SPATA17: variants seen among roughly 807,000 people sequenced by gnomAD.
SPATA17 encodes spermatogenesis-associated protein 17.
SPATA17 carries 53 observed loss-of-function variants against 62.2 expected under a neutral mutation model. That is an observed-to-expected ratio of 0.85 (90% CI 0.68 to 1.07). SPATA17 has a LOEUF of 1.07. Ranked by LOEUF, SPATA17 falls within the 50% of genes least tolerant of loss-of-function variation. SPATA17 has a pLI of 0.00. For missense variants in SPATA17, 466 were observed against 425.5 expected (o/e 1.10, Z -0.84); for synonymous variants, 146 against 146.8 (o/e 0.99, Z 0.04).
At chr1:217,778,480 C>A (rs1356147596) in intron 7 of SPATA17, among the ~76,000 whole-genome samples, 1 of 152,156 alleles carries the variant, frequency 6.6e-6, no homozygotes, top group Non-Finnish European at 1.5e-5. Context: ...GAGATCACAC[C>A]ATTGCACTCC....
At chr1:217,768,839 G>A (rs977618182) in intron 6 of SPATA17, among the ~76,000 whole-genome samples, 2 of 152,064 alleles carry the variant, frequency 1.3e-5, no homozygotes, top group South Asian at 2.1e-4. Flanking sequence ...TACACAGAAC[G>A]TATACTTTTA....
chr1:217,778,629 G>A (rs1421673590), intron 7 of SPATA17, among the ~76,000 whole-genome samples: 3 of 152,118 alleles, frequency 2.0e-5, no homozygotes, highest in East Asian at 3.8e-4. Context: ...TTTAGGAAAT[G>A]TGAAAATTAC....
intron 4 of SPATA17, among the ~76,000 whole-genome samples, chr1:217,674,457 T>A (rs1050196524): frequency 6.6e-6 from 1 of 152,224 alleles, no homozygotes; most frequent in African/African-American, 2.4e-5. Flanking sequence ...GTGCTCCAGC[T>A]GCTGGCTGCT....
At chr1:217,844,583 A>T (rs893756261) in intron 9 of SPATA17, among the ~76,000 whole-genome samples, 2 of 152,128 alleles carry the variant, frequency 1.3e-5, no homozygotes, top group African/African-American at 4.8e-5. Context: ...ATCAATGTAG[A>T]CCACAAAAGA....
intron 6 of SPATA17, among the ~76,000 whole-genome samples, chr1:217,746,596 GATATACTC>G (rs1264975084): frequency 3.3e-5 from 5 of 151,602 alleles, no homozygotes; most frequent in Non-Finnish European, 5.9e-5. Context: ...TGATTATGCT[GATATACTC>G]ATATACTCAT....
intron 3 of SPATA17, among the ~76,000 whole-genome samples, chr1:217,667,242 T>A (rs1417395474): frequency 1.3e-5 from 2 of 151,906 alleles, no homozygotes; most frequent in African/African-American, 4.8e-5. Context: ...AGAGACGGGG[T>A]TTCACCATGT....
intron 5 of SPATA17, among the ~76,000 whole-genome samples, chr1:217,706,457 C>T (rs536360234): frequency 1.3e-5 from 2 of 152,252 alleles, no homozygotes; most frequent in South Asian, 2.1e-4. Flanking sequence ...GGGGGCCGTT[C>T]CCCCATGCTG....
intron 6 of SPATA17, among the ~76,000 whole-genome samples, chr1:217,747,042 G>T (rs1672774722): frequency 6.6e-6 from 1 of 152,010 alleles, no homozygotes; most frequent in Non-Finnish European, 1.5e-5. Context: ...ACAGGGTTGG[G>T]ATTAGCACCC....
intron 7 of SPATA17, among the ~76,000 whole-genome samples, chr1:217,780,344 T>C (rs1673702511): frequency 1.3e-5 from 2 of 152,174 alleles, no homozygotes; most frequent in South Asian, 4.1e-4. Flanking sequence ...TATAAATGTA[T>C]GTACCAGGCA....
intron 5 of SPATA17, among the ~76,000 whole-genome samples, chr1:217,731,957 T>C (rs1026071997): frequency 6.6e-6 from 1 of 152,218 alleles, no homozygotes; most frequent in South Asian, 2.1e-4. Context: ...CATTTATTTT[T>C]AAATCACTTT....
At chr1:217,864,146 G>A (rs568120800) in intron 10 of SPATA17, among the ~76,000 whole-genome samples, 4 of 152,262 alleles carry the variant, frequency 2.6e-5, no homozygotes, top group South Asian at 4.1e-4. Flanking sequence ...TGTTTCAAAG[G>A]TTTATAAAGT....
intron 9 of SPATA17, among the ~76,000 whole-genome samples, chr1:217,836,691 G>A (rs1479310454): frequency 6.6e-6 from 1 of 152,074 alleles, no homozygotes; most frequent in Admixed American, 6.6e-5. Context: ...TTTGGATGGA[G>A]CAAATCAAAA....
chr1:217,851,120 C>A (rs1675655676), intron 9 of SPATA17, among the ~76,000 whole-genome samples: 1 of 151,756 alleles, frequency 6.6e-6, no homozygotes, highest in South Asian at 2.1e-4. Flanking sequence ...CTTTTTACTT[C>A]TGTTACTAGT....
At chr1:217,702,368 T>C (rs1346761065) in intron 5 of SPATA17, among the ~76,000 whole-genome samples, 1 of 152,166 alleles carries the variant, frequency 6.6e-6, no homozygotes, top group Non-Finnish European at 1.5e-5. Flanking sequence ...TTGTTGTTGC[T>C]ACATCAGTTT....
intron 5 of SPATA17, among the ~76,000 whole-genome samples, chr1:217,703,776 G>A (rs1310964849): frequency 6.6e-6 from 1 of 152,068 alleles, no homozygotes; most frequent in Non-Finnish European, 1.5e-5. Flanking sequence ...CCTATTAGAT[G>A]CATATTTTAA....
At position 217,860,757 on chromosome 1, in the gene SPATA17, G is replaced by A. The variant is rs932597695; in HGVS notation, c.1006-2017G>A. ...CATTAAAAGTGAGTTTCATGTCGAC[G>A]ACATATAGTTGGTTCTTCTTTTTTA... On this transcript the variant is annotated intron_variant, in intron 9 of 10. Coordinates refer to ENST00000366933, the MANE Select transcript of SPATA17 (RefSeq NM_138796.4). Among the ~76,000 whole-genome samples the A allele has an allele frequency of 3.3e-5, 5 of 151,948 alleles. No homozygotes were observed. In the East Asian group the frequency reaches 7.7e-4, roughly 23 times the overall value.
At chr1:217,827,152 A>G (rs1006838167) in intron 9 of SPATA17, among the ~76,000 whole-genome samples, 7 of 152,174 alleles carry the variant, frequency 4.6e-5, no homozygotes, top group African/African-American at 1.7e-4. Context: ...CTGATATTTA[A>G]AAGATTAATT....
chr1:217,786,562 A>T (rs1054494968), intron 8 of SPATA17, among the ~76,000 whole-genome samples: 2 of 152,178 alleles, frequency 1.3e-5, no homozygotes, highest in South Asian at 2.1e-4. Flanking sequence ...GGTTTATCCT[A>T]TAGGTAATGG....
chr1:217,850,466 A>G, intron 9 of SPATA17: 1 of 1,300,242 alleles, frequency 7.7e-7, no homozygotes, highest in Non-Finnish European at 1.0e-6. Flanking sequence ...TTGTAGTCAG[A>G]AAGAGTACAG....
Sources: gnomAD v4.1 joint callset for allele counts (sites outside exome capture counted in the v4.1 genomes callset) on GRCh38, gnomAD v4.1.1 for gene constraint, MANE v1.5 for transcripts, NCBI Gene and HGNC (gene_info 2026-07-23, HGNC 2026-07-21) for gene names.